The following TCF20 variants were observed in gnomAD, a reference collection of about 807,000 sequenced individuals.
TCF20 encodes SPRE-binding protein.
Under a neutral mutation model 148.6 loss-of-function variants are expected in TCF20, and 3 were observed. That is an observed-to-expected ratio of 0.02 (90% confidence interval 0.01 to 0.05). The LOEUF is 0.05. Among genes scored for constraint, TCF20 ranks in the 10% least tolerant of loss-of-function variants. The probability of loss-of-function intolerance (pLI) is 1.00; values close to 1 mark genes in which losing one functional copy is unlikely to be tolerated. For synonymous variants in TCF20, 1,049 were observed against 909.5 expected (o/e 1.15, Z -2.76); for missense variants, 2,350 against 2,429.3 (o/e 0.97, Z 0.69).
At chr22:42,208,842 T>C (rs1441111893) in intron 2 of TCF20, among the ~76,000 whole-genome samples, 1 of 152,150 alleles carries the variant, frequency 6.6e-6, no homozygotes, top group Non-Finnish European at 1.5e-5. Flanking sequence ...TTGCCTGAAC[T>C]GAAAGACATC....
intron 1 of TCF20, among the ~76,000 whole-genome samples, chr22:42,324,556 T>C (rs866260403): frequency 6.6e-6 from 1 of 151,738 alleles, no homozygotes; most frequent in Non-Finnish European, 1.5e-5. Context: ...CTCCACCATT[T>C]GAGAAAATAA....
rs779668204 is a variant in TCF20, at chr22:42,213,523, C to T, written c.1783G>A (p.Gly595Arg). Residue 595 changes from glycine (G) to arginine (R), a missense_variant, in exon 2 of 6, where the codon GGG (glycine) becomes AGG (arginine). Gly to Arg is a moderately radical substitution (Grantham distance 125). This residue lies in a region of TCF20 where 1,641 missense variants were observed against 1,662.6 expected (regional missense o/e 0.99). Transcript: ENST00000677622. ...GAKDMPLSSD[G>R]NPKVNEKTVG... Reference sequence around the variant, plus strand: ...GTCTTCTCATTAACCTTTGGGTTCCCGTCGGATGACAATGGCATGTCCTTA... The same window carrying T: ...GTCTTCTCATTAACCTTTGGGTTCCTGTCGGATGACAATGGCATGTCCTTA... 7.4e-6 allele frequency: 12 copies of T among 1,614,058 alleles called. No individual in the cohort carries two copies. The African/African-American group carries it at 8.0e-5, about 11-fold the overall frequency.
At chr22:42,323,450 G>C (rs73886042) in intron 1 of TCF20, among the ~76,000 whole-genome samples, 1 of 151,722 alleles carries the variant, frequency 6.6e-6, no homozygotes, top group African/African-American at 2.4e-5. Context: ...GGGGGCACCT[G>C]TCAGCTGAGG....
intron 1 of TCF20, among the ~76,000 whole-genome samples, chr22:42,310,353 G>A (rs535194436): frequency 6.6e-6 from 1 of 151,842 alleles, no homozygotes; most frequent in South Asian, 2.1e-4. Flanking sequence ...CAGTCCCTGG[G>A]GCTACGGAGC....
chr22:42,183,063 A>G (rs1182696527), intron 2 of TCF20, among the ~76,000 whole-genome samples: 2 of 152,200 alleles, frequency 1.3e-5, no homozygotes, highest in Admixed American at 1.3e-4. Context: ...AGCCCCACCT[A>G]AATCTGTGTT....
intron 1 of TCF20, among the ~76,000 whole-genome samples, chr22:42,217,694 T>A (rs979857885): frequency 6.6e-6 from 1 of 152,100 alleles, no homozygotes; most frequent in Non-Finnish European, 1.5e-5. Context: ...GAAAATAGAA[T>A]ATGATCAACC....
At chr22:42,225,455 A>G (rs951821498) in intron 1 of TCF20, among the ~76,000 whole-genome samples, 100 of 150,722 alleles carry the variant, frequency 6.6e-4, no homozygotes, top group South Asian at 1.5e-3. Context: ...TCTACTAAAA[A>G]TACAAAAAAT....
In TCF20 at chr22:42,219,355, C is replaced by CAAAAAAAAAAAAAAAAAAAAA. The variant is rs528664836; in HGVS notation, c.-36-4035_-36-4015dup. On this transcript the variant is annotated intron_variant, in intron 1 of 5. Coordinates refer to ENST00000677622, the MANE Select transcript of TCF20 (RefSeq NM_001378418.1). ...ACCCTGGGTGACAGTAACCCTGTCT[C>CAAAAAAAAAAAAAAAAAAAAA]AAAAAAAAAAAAAAAAAAAAAAAAA... 2.7e-3 allele frequency among the ~76,000 whole-genome samples: 117 copies of CAAAAAAAAAAAAAAAAAAAAA among 43,544 alleles called. 10 individuals carry two copies. Among genetic ancestry groups the CAAAAAAAAAAAAAAAAAAAAA allele is most frequent in the Non-Finnish European group, 3.6e-3 (83 of 23,248 alleles). 28.6% of individuals were successfully genotyped at this position (43,544 alleles called of 152,430 possible).
chr22:42,182,588 C>T (rs963582932), intron 2 of TCF20, among the ~76,000 whole-genome samples: 1 of 152,196 alleles, frequency 6.6e-6, no homozygotes, highest in Admixed American at 6.5e-5. Flanking sequence ...TAATTTATAA[C>T]ATTGCATCCA....
chr22:42,262,697 A>G (rs1926092844), intron 1 of TCF20, among the ~76,000 whole-genome samples: 2 of 152,126 alleles, frequency 1.3e-5, no homozygotes, highest in Admixed American at 1.3e-4. Flanking sequence ...ATAAGAGGAC[A>G]AACAACCAGA....
chr22:42,329,300 C>A (rs960754268), intron 1 of TCF20, among the ~76,000 whole-genome samples: 2 of 152,248 alleles, frequency 1.3e-5, no homozygotes, highest in African/African-American at 4.8e-5. Flanking sequence ...TGCTTCCATC[C>A]GCCCAGCTGT....
rs549637495 is a variant in TCF20 at position 42,219,164 on chromosome 22, G to C, written c.-36-3823C>G. Among the ~76,000 whole-genome samples the C allele has an allele frequency of 1.4e-4, 21 of 151,350 alleles. No individual in the cohort carries two copies. In the South Asian group the frequency reaches 4.0e-3, roughly 29 times the overall value. On this transcript the variant is annotated intron_variant, in intron 1 of 5. Transcript: ENST00000677622. ...TTTGGGAGGCTGAGGTGTGAGGATC[G>C]CTTGAGGTCAGGAGTTCAAGACCAG...
At chr22:42,326,929 A>G (rs1927885685) in intron 1 of TCF20, among the ~76,000 whole-genome samples, 1 of 152,108 alleles carries the variant, frequency 6.6e-6, no homozygotes, top group Admixed American at 6.5e-5. Flanking sequence ...TTTACCAATC[A>G]TTTCTGGAAT....
At chr22:42,293,134 T>A (rs80506) in intron 1 of TCF20, among the ~76,000 whole-genome samples, 56,946 of 151,678 alleles carry the variant, frequency 0.38, 11,616 homozygotes, top group Non-Finnish European at 0.45. Context: ...CCTAAAAGAT[T>A]CAATAGTGTA....
chr22:42,305,811 TC>T (rs924648431), intron 1 of TCF20, among the ~76,000 whole-genome samples: 7 of 95,582 alleles, frequency 7.3e-5, no homozygotes, highest in Non-Finnish European at 1.5e-4. Context: ...GATCTGGCCC[TC>T]CCCCACCCCA....
intron 1 of TCF20, among the ~76,000 whole-genome samples, chr22:42,269,287 C>T (rs1926460752): frequency 6.6e-6 from 1 of 152,068 alleles, no homozygotes; most frequent in South Asian, 2.1e-4. Flanking sequence ...CCAGAGACAT[C>T]TAATCTTCGA....
chr22:42,169,239 C>T (rs1935974550), intron 4 of TCF20, among the ~76,000 whole-genome samples: 2 of 152,164 alleles, frequency 1.3e-5, no homozygotes, highest in African/African-American at 4.8e-5. Context: ...CCATATACAC[C>T]CTCCCCACAC....
intron 1 of TCF20, among the ~76,000 whole-genome samples, chr22:42,315,594 T>C (rs1181507567): frequency 3.3e-5 from 5 of 152,148 alleles, no homozygotes; most frequent in Non-Finnish European, 7.4e-5. Flanking sequence ...GAGTGAGACT[T>C]CCTCACTGAA....
intron 1 of TCF20, among the ~76,000 whole-genome samples, chr22:42,245,314 G>C (rs1046188244): frequency 2.0e-5 from 3 of 151,816 alleles, no homozygotes; most frequent in Admixed American, 6.6e-5. Flanking sequence ...CAACACCTGG[G>C]TTCAAGTGAT....
Sources: allele counts gnomAD v4.1 joint callset (sites outside exome capture counted in the v4.1 genomes callset), GRCh38; gene constraint gnomAD v4.1.1; regional missense constraint gnomAD v4.1.1; transcripts MANE v1.5; gene names NCBI Gene and HGNC (gene_info 2026-07-23, HGNC 2026-07-21).